The following KCNIP4 variants were observed in gnomAD, a reference collection of about 807,000 sequenced individuals.
The protein encoded by KCNIP4 is potassium voltage-gated channel interacting protein 4, also known as Kv channel-interacting protein 4.
In KCNIP4, 12 loss-of-function variants were observed where a neutral mutation model predicts 34.0. The observed-to-expected ratio is 0.35, with a 90% CI of 0.23 to 0.57. The LOEUF is 0.57. Among genes scored for constraint, KCNIP4 ranks in the 20% least tolerant of loss-of-function variants. KCNIP4 has a pLI of 0.83. For synonymous variants in KCNIP4, 124 were observed against 102.2 expected (o/e 1.21, Z -1.29); for missense variants, 238 against 311.7 (o/e 0.76, Z 1.78).
At position 20,984,962 on chromosome 4, in the gene KCNIP4, C is replaced by T. The variant is rs561911059; in HGVS notation, c.62-102253G>A. Among the ~76,000 whole-genome samples, 10 of 152,292 alleles carry T rather than the reference C, an allele frequency of 6.6e-5. No homozygotes were observed. The South Asian group carries it at 1.9e-3, about 28-fold the overall frequency. ...AACTGGGAAGTGTGGACAGCACCAT[C>T]GCAAAGATGCCATGAGGTGTGCTAG... On this transcript the variant is annotated intron_variant, in intron 1 of 8. Coordinates refer to ENST00000382152, the MANE Select transcript of KCNIP4 (RefSeq NM_025221.6).
Position 21,285,137 on chromosome 4 carries a change from A to G in KCNIP4, c.62-402428T>C, listed in dbSNP as rs993682576. On this transcript the variant is annotated intron_variant, in intron 1 of 8. Transcript: ENST00000382152. ...AAATATTAATGCAAACTAGGATAAG[A>G]AAGTCAAGCCTATTTGGCACCCTTC... is the stretch of plus-strand genomic sequence containing the variant. Among the ~76,000 whole-genome samples the G allele has an allele frequency of 3.3e-5, 5 of 152,228 alleles. No individual in the cohort carries two copies. The East Asian group carries it at 9.6e-4, about 29-fold the overall frequency.
At chr4:21,145,707 C>G (rs1381735336) in intron 1 of KCNIP4, among the ~76,000 whole-genome samples, 1 of 152,150 alleles carries the variant, frequency 6.6e-6, no homozygotes, top group African/African-American at 2.4e-5. Context: ...CCATACTGGT[C>G]TTGATTCAAG....
intron 1 of KCNIP4, among the ~76,000 whole-genome samples, chr4:21,238,950 C>G (rs995677060): frequency 1.3e-5 from 2 of 152,178 alleles, no homozygotes; most frequent in Non-Finnish European, 2.9e-5. Flanking sequence ...AAGCTGGAGG[C>G]ATCACGCTAC....
chr4:21,711,319 A>G (rs1450414743), intron 1 of KCNIP4, among the ~76,000 whole-genome samples: 1 of 152,170 alleles, frequency 6.6e-6, no homozygotes, highest in Non-Finnish European at 1.5e-5. Flanking sequence ...AAAAAATACA[A>G]AAATTAGTTG....
chr4:20,791,703 T>C (rs1246975322), intron 3 of KCNIP4, among the ~76,000 whole-genome samples: 3 of 152,236 alleles, frequency 2.0e-5, no homozygotes, highest in African/African-American at 7.2e-5. Flanking sequence ...TAAGTTTATA[T>C]GTTAACTTGG....
At chr4:21,109,496 C>T (rs909484746) in intron 1 of KCNIP4, among the ~76,000 whole-genome samples, 14 of 152,174 alleles carry the variant, frequency 9.2e-5, no homozygotes, top group African/African-American at 1.9e-4. Context: ...TTTCCAGGTG[C>T]CGTCTGTCAC....
intron 1 of KCNIP4, among the ~76,000 whole-genome samples, chr4:21,362,912 A>G (rs529959289): frequency 8.1e-4 from 123 of 152,206 alleles, no homozygotes; most frequent in African/African-American, 2.8e-3. Context: ...ATAAGAAAAA[A>G]TTGTCATTCT....
intron 1 of KCNIP4, among the ~76,000 whole-genome samples, chr4:21,341,474 A>G (rs993457267): frequency 2.0e-5 from 3 of 152,132 alleles, no homozygotes; most frequent in African/African-American, 7.2e-5. Context: ...TGATATCTTT[A>G]TGCAAAAGTG....
Position 20,818,922 on chromosome 4 carries a change from T to C in KCNIP4, c.288+31621A>G, listed in dbSNP as rs1194900446. ...TAGTCATTCTATATATATTATCTCT[T>C]TTTTTTTTTTTTTTTTTTTTGAGAT... On this transcript the variant is annotated intron_variant, in intron 3 of 8. Transcript: ENST00000382152. Among the ~76,000 whole-genome samples, 6 of 131,038 alleles carry C rather than the reference T, an allele frequency of 4.6e-5. No individual in the cohort carries two copies. In the East Asian group the frequency reaches 8.4e-4, roughly 18 times the overall value. 86.0% of individuals were successfully genotyped at this position (131,038 alleles called of 152,430 possible).
chr4:21,782,884 A>C (rs750744438), intron 1 of KCNIP4, among the ~76,000 whole-genome samples: 1 of 152,212 alleles, frequency 6.6e-6, no homozygotes, highest in Non-Finnish European at 1.5e-5. Flanking sequence ...GATGGATCTC[A>C]AAGTCATTAT....
intron 1 of KCNIP4, among the ~76,000 whole-genome samples, chr4:21,278,447 G>C (rs1762571966): frequency 1.3e-5 from 2 of 152,190 alleles, no homozygotes; most frequent in Non-Finnish European, 2.9e-5. Context: ...GTGAGAACAT[G>C]TGGTAATTGT....
chr4:21,497,393 A>G (rs1732938465), intron 1 of KCNIP4, among the ~76,000 whole-genome samples: 1 of 152,086 alleles, frequency 6.6e-6, no homozygotes, highest in Non-Finnish European at 1.5e-5. Context: ...TGATTTTTCA[A>G]ATGATGCTGT....
intron 1 of KCNIP4, among the ~76,000 whole-genome samples, chr4:21,023,840 C>T (rs893710392): frequency 1.3e-5 from 2 of 152,092 alleles, no homozygotes; most frequent in African/African-American, 4.8e-5. Context: ...TATGATCCTG[C>T]CACTGCACTC....
chr4:20,916,318 T>G (rs1269483152), intron 1 of KCNIP4: 2 of 982,060 alleles, frequency 2.0e-6, no homozygotes, highest in Non-Finnish European at 2.4e-6. Context: ...TTTAGAAGTG[T>G]TTACCTCTTT....
intron 1 of KCNIP4, among the ~76,000 whole-genome samples, chr4:21,784,234 T>G (rs76134456): frequency 0.089 from 13,518 of 152,066 alleles, 810 homozygotes; most frequent in Non-Finnish European, 0.13. Context: ...CCACCCCCAT[T>G]ATTACAATTT....
chr4:21,277,818 A>G (rs1220352099), intron 1 of KCNIP4, among the ~76,000 whole-genome samples: 1 of 152,208 alleles, frequency 6.6e-6, no homozygotes, highest in African/African-American at 2.4e-5. Context: ...TATCAAAGGC[A>G]CAAAACAGTG....
chr4:20,909,845 G>A lies in KCNIP4; in HGVS notation c.62-27136C>T, dbSNP rs139179387. Among the ~76,000 whole-genome samples, 15 of 151,910 alleles carry A rather than the reference G, an allele frequency of 9.9e-5. No homozygotes were observed. The East Asian group carries it at 2.3e-3, about 24-fold the overall frequency. On this transcript the variant is annotated intron_variant, in intron 1 of 8. Transcript: ENST00000382152. The stretch of plus-strand genomic sequence containing the variant: ...ACTAGTACATCCTTCTCTCTTACTT[G>A]TCTAGAGAGTAGGTGCAATTGAGCC...
intron 1 of KCNIP4, among the ~76,000 whole-genome samples, chr4:21,073,834 T>G (rs923340138): frequency 3.9e-5 from 6 of 152,018 alleles, no homozygotes; most frequent in African/African-American, 1.4e-4. Flanking sequence ...TTATTGAGAG[T>G]TTTTAGCATG....
chr4:20,748,790 T>G (rs1015079523), intron 5 of KCNIP4, among the ~76,000 whole-genome samples: 2 of 150,028 alleles, frequency 1.3e-5, no homozygotes, highest in Non-Finnish European at 3.0e-5. Context: ...AGAGTTCATG[T>G]TGGGTTTATT....
Sources: gnomAD v4.1 joint callset for allele counts (sites outside exome capture counted in the v4.1 genomes callset) on GRCh38, gnomAD v4.1.1 for gene constraint, MANE v1.5 for transcripts, NCBI Gene and HGNC (gene_info 2026-07-23, HGNC 2026-07-21) for gene names.